Variants in WDFY4 observed in about 807,000 individuals in gnomAD.
WDFY4 encodes WD repeat- and FYVE domain-containing protein 4.
A neutral mutation model predicts 351.9 loss-of-function variants in WDFY4; 169 were observed. That is an observed-to-expected ratio of 0.48 (90% CI 0.42 to 0.55). The LOEUF is 0.55. Among genes scored for constraint, WDFY4 ranks in the 20% least tolerant of loss-of-function variants. The pLI is 0.00. For synonymous variants in WDFY4, 1,622 were observed against 1,574.6 expected, an observed-to-expected ratio of 1.03 and a Z score of -0.71; for missense variants, 3,803 against 3,935.6, an observed-to-expected ratio of 0.97 and a Z score of 0.90.
intron 13 of WDFY4, among the ~76,000 whole-genome samples, chr10:48,770,119 T>G (rs1032190952): frequency 9.2e-5 from 14 of 152,230 alleles, no homozygotes; most frequent in African/African-American, 3.4e-4. Flanking sequence ...CGCATTTTAT[T>G]CAAAACAAGG....
intron 24 of WDFY4, among the ~76,000 whole-genome samples, chr10:48,798,857 C>G (rs1043268693): frequency 4.6e-5 from 7 of 152,186 alleles, no homozygotes; most frequent in African/African-American, 1.7e-4. Flanking sequence ...CCAGTTGAAC[C>G]AGGCCAAGAT....
At position 48,830,756 on chromosome 10, in the gene WDFY4, A is replaced by T. The variant is rs2068161710; in HGVS notation, c.6397A>T (p.Arg2133Trp). ...QTLWQQLVAQ[R>W]QQTLEDAFKI... ...TCTCTGGCAGCAGCTGGTGGCACAA[A>T]GGCAGCAGACCCTGGAGGATGCCTT... is the stretch of plus-strand genomic sequence containing the variant. Residue 2133 changes from arginine to tryptophan, a missense_variant, in exon 38 of 62, where the codon AGG becomes TGG. Physicochemically the swap from Arg to Trp is moderately radical, Grantham distance 101. Around this residue, in one of 3 missense-constraint regions of WDFY4, gnomAD observed 3,054 missense variants for 3,148.6 expected, o/e 0.97. Transcript: ENST00000325239. 1.3e-6 allele frequency: 2 copies of T among 1,551,548 alleles called. No homozygotes were observed. The highest frequency in any genetic ancestry group is 2.7e-5 in the African/African-American group (2 of 73,036).
Position 48,974,527 on chromosome 10 carries a change from A to AAAAAAC in WDFY4, c.8929-333_8929-332insAAACAA. On this transcript the variant is annotated intron_variant, in intron 57 of 61. Transcript: ENST00000325239. ...CAAAAAAAAAAAAAAAAAAAAAAAA[A>AAAAAAC]AACAACTCATGACATGAACTGCTCC... Among the ~76,000 whole-genome samples the AAAAAAC allele has an allele frequency of 1.5e-3, 35 of 23,194 alleles. 4 individuals carry two copies. Among genetic ancestry groups the AAAAAAC allele is most frequent in the African/African-American group, 2.5e-3 (34 of 13,806 alleles). 15.2% of individuals were successfully genotyped at this position (23,194 alleles called of 152,430 possible).
intron 39 of WDFY4, among the ~76,000 whole-genome samples, chr10:48,862,356 C>T (rs1303065487): frequency 6.6e-6 from 1 of 152,136 alleles, no homozygotes; most frequent in Non-Finnish European, 1.5e-5. Flanking sequence ...TAGCAGGGAT[C>T]CCCAACCCCC....
At chr10:48,906,212 A>G (rs933618204) in intron 47 of WDFY4, among the ~76,000 whole-genome samples, 18 of 152,208 alleles carry the variant, frequency 1.2e-4, no homozygotes, top group African/African-American at 4.3e-4. Context: ...CAACTGGCCC[A>G]TGACACTTGG....
intron 12 of WDFY4, chr10:48,745,752 C>T (rs1322446711): frequency 3.8e-6 from 2 of 520,772 alleles, no homozygotes; most frequent in East Asian, 4.9e-5. Context: ...CTCTTGTGGG[C>T]TTCAGATGCA....
intron 39 of WDFY4, among the ~76,000 whole-genome samples, chr10:48,847,071 G>T (rs962083705): frequency 2.0e-5 from 3 of 152,262 alleles, no homozygotes; most frequent in South Asian, 4.1e-4. Flanking sequence ...CCCCAGCCAG[G>T]GTGGCATAAA....
intron 39 of WDFY4, among the ~76,000 whole-genome samples, chr10:48,845,827 G>A (rs201810979): frequency 1.6e-5 from 1 of 62,014 alleles, no homozygotes; most frequent in African/African-American, 7.2e-5. Context: ...TGAATATACA[G>A]TCTCTAAAGA....
chr10:48,847,734 C>A (rs1381495568), intron 39 of WDFY4, among the ~76,000 whole-genome samples: 1 of 152,090 alleles, frequency 6.6e-6, no homozygotes, highest in Non-Finnish European at 1.5e-5. Context: ...ATGGTGCCTG[C>A]AATTTTAAAG....
At chr10:48,971,823 A>G (rs1450603352) in intron 57 of WDFY4, among the ~76,000 whole-genome samples, 1 of 152,132 alleles carries the variant, frequency 6.6e-6, no homozygotes, top group Non-Finnish European at 1.5e-5. Flanking sequence ...ACCTTCACCA[A>G]CTGCTGTTGT....
At chr10:48,827,272 G>GA (rs149729137) in intron 36 of WDFY4, among the ~76,000 whole-genome samples, 9 of 151,720 alleles carry the variant, frequency 5.9e-5, no homozygotes, top group Non-Finnish European at 1.0e-4. Context: ...TCTTAGAAAG[G>GA]AAAAAATATA....
chr10:48,943,481 C>T (rs1273351557), intron 49 of WDFY4, 32 bp downstream of exon 49: 1 of 1,545,836 alleles, frequency 6.5e-7, no homozygotes, highest in South Asian at 1.2e-5. Flanking sequence ...CACAGCTGCC[C>T]TCAGGTGTTC....
At chr10:48,787,232 C>T (rs963732501) in intron 20 of WDFY4, among the ~76,000 whole-genome samples, 6 of 152,210 alleles carry the variant, frequency 3.9e-5, no homozygotes, top group South Asian at 2.1e-4. Flanking sequence ...AAAACATCCA[C>T]ATTTTCATTA....
At chr10:48,968,905 C>A in intron 55 of WDFY4, 159 bp from the exon 56 acceptor site, 1 of 704,008 alleles carries the variant, frequency 1.4e-6, no homozygotes, top group Non-Finnish European at 2.4e-6. Flanking sequence ...TCCAGTGTGT[C>A]TGCCTGTCAC....
chr10:48,743,336 C>T lies in WDFY4; in HGVS notation c.2247C>T (p.Ala749=). ...ARPFADLLGT[A]FSSSGSLPPR... Reference sequence around the variant, plus strand: ...CATTTGCAGATTTGCTGGGCACTGCCTTTTCCTCCAGCGGCTCACTCCCAC... The same window carrying T: ...CATTTGCAGATTTGCTGGGCACTGCTTTTTCCTCCAGCGGCTCACTCCCAC... The change falls in exon 12 of 62, where the codon GCC becomes GCT. Residue 749 remains alanine (A), a synonymous_variant. Transcript: ENST00000325239. 3.9e-6 allele frequency: 6 copies of T among 1,551,638 alleles called. No homozygotes were observed. Among genetic ancestry groups the T allele is most frequent in the South Asian group, 2.4e-5 (2 of 84,054 alleles).
rs767182973 is a variant in WDFY4 at position 48,982,604 on chromosome 10, C to A, written c.*29C>A. ...GAGAGAGGCAGCAGAGGCTCTGGCA[C>A]AACAGTGCCAGGCTGAGGGTGGCAG... On this transcript the variant is annotated 3_prime_UTR_variant, in exon 62 of 62. Transcript: ENST00000325239. 4.7e-5 allele frequency: 72 copies of A among 1,547,238 alleles called. No homozygotes were observed. Among genetic ancestry groups the A allele is most frequent in the Non-Finnish European group, 6.0e-5 (69 of 1,143,986 alleles).
In WDFY4 at chr10:48,742,063, C is replaced by G. The variant is rs945694275; in HGVS notation, c.1879-905C>G. Reference sequence around the variant, plus strand: ...GCCCCCCCTCCCTCTCTCTCTTCCTCCCTCCTTCCTTCCAATAGCATGTAC... The same window carrying G: ...GCCCCCCCTCCCTCTCTCTCTTCCTGCCTCCTTCCTTCCAATAGCATGTAC... On this transcript the variant is annotated intron_variant, in intron 11 of 61. Coordinates refer to ENST00000325239, the MANE Select transcript of WDFY4 (RefSeq NM_001394531.1). Among the ~76,000 whole-genome samples, 3 of 152,228 alleles carry G rather than the reference C, an allele frequency of 2.0e-5. No individual in the cohort carries two copies. The South Asian group carries it at 6.2e-4, about 32-fold the overall frequency.
chr10:48,726,009 C>A lies in WDFY4; in HGVS notation c.720C>A (p.Thr240=), dbSNP rs754372457. 6.0e-5 allele frequency: 93 copies of A among 1,551,556 alleles called. No homozygotes were observed. The African/African-American group carries it at 1.2e-3, about 20-fold the overall frequency. ...EHSCCFWKEP[T]FCVLRAISKA... is the part of the protein sequence containing the mutation. ...GCTGCTGCTTCTGGAAGGAACCCAC[C>A]TTCTGCGTGCTAAGGGCAATCTCCA... Residue 240 remains threonine (T), a synonymous_variant, in exon 6 of 62, where the codon ACC becomes ACA. Coordinates refer to ENST00000325239, the MANE Select transcript of WDFY4 (RefSeq NM_001394531.1).
rs377161247 is a variant in WDFY4, at chr10:48,943,492, G to A, written c.7749+43G>A. On this transcript the variant is annotated intron_variant, in intron 49 of 61. Transcript: ENST00000325239. ...AAACCACAGCTGCCCTCAGGTGTTCGGACGTTGATAACAGAGACCCTAAGT... is the reference window on the plus strand; with the variant it reads ...AAACCACAGCTGCCCTCAGGTGTTCAGACGTTGATAACAGAGACCCTAAGT... 1.6e-5 allele frequency: 25 copies of A among 1,540,010 alleles called. No homozygotes were observed. In the East Asian group the frequency reaches 1.7e-4, roughly 11 times the overall value.
Sources: gnomAD v4.1 joint callset for allele counts (sites outside exome capture counted in the v4.1 genomes callset) on GRCh38, gnomAD v4.1.1 for gene constraint, gnomAD v4.1.1 regional missense constraint, MANE v1.5 for transcripts, NCBI Gene and HGNC (gene_info 2026-07-23, HGNC 2026-07-21) for gene names.